NDNF: variants seen among roughly 807,000 people sequenced by gnomAD.
The protein encoded by NDNF is protein NDNF.
Under a neutral mutation model 42.0 loss-of-function variants are expected in NDNF, and 16 were observed. The observed-to-expected ratio is 0.38, with a 90% CI of 0.26 to 0.58. NDNF has a LOEUF of 0.58. Ranked by LOEUF, NDNF falls within the 20% of genes least tolerant of loss-of-function variation. The probability of loss-of-function intolerance (pLI) is 0.67; values close to 1 mark genes in which losing one functional copy is unlikely to be tolerated. For synonymous variants in NDNF, 248 were observed against 251.7 expected (o/e 0.99, Z 0.14); for missense variants, 616 against 666.2 (o/e 0.92, Z 0.83).
Position 121,039,220 on chromosome 4 carries a change from A to G in NDNF, c.313+710T>C, listed in dbSNP as rs796775654. 2.5e-3 allele frequency among the ~76,000 whole-genome samples: 216 copies of G among 86,606 alleles called. 6 individuals are homozygous for G. The highest frequency in any genetic ancestry group is 5.2e-3 in the Middle Eastern group (1 of 194). The allele number at this position is 86,606 out of a possible 152,430, so 56.8% of individuals were successfully genotyped here. On this transcript the variant is annotated intron_variant, in intron 3 of 3. Coordinates refer to ENST00000379692, the MANE Select transcript of NDNF (RefSeq NM_024574.4). ...TATATATATATATATATATATATATATATATATATATATATAAAGACTATG... is the reference window on the plus strand; with the variant it reads ...TATATATATATATATATATATATATGTATATATATATATATAAAGACTATG...
intron 1 of NDNF, among the ~76,000 whole-genome samples, chr4:121,067,773 G>A (rs578181098): frequency 6.6e-6 from 1 of 152,248 alleles, no homozygotes; most frequent in African/African-American, 2.4e-5. Flanking sequence ...TTTATTGGGG[G>A]AATTAACATT....
chr4:121,066,030 G>A (rs557813767), intron 1 of NDNF, among the ~76,000 whole-genome samples: 1 of 152,088 alleles, frequency 6.6e-6, no homozygotes, highest in East Asian at 1.9e-4. Flanking sequence ...GGTACCCTGA[G>A]AGGCCCTGGG....
At chr4:121,052,340 G>C (rs1727212918) in intron 1 of NDNF, among the ~76,000 whole-genome samples, 1 of 152,122 alleles carries the variant, frequency 6.6e-6, no homozygotes, top group African/African-American at 2.4e-5. Flanking sequence ...GACAAAAAAG[G>C]ATGGGCATTC....
intron 1 of NDNF, among the ~76,000 whole-genome samples, chr4:121,067,644 A>G (rs555714341): frequency 6.6e-6 from 1 of 152,304 alleles, no homozygotes; most frequent in African/African-American, 2.4e-5. Context: ...TCTGTGGCCA[A>G]ATTTGTCTCT....
intron 1 of NDNF, among the ~76,000 whole-genome samples, chr4:121,052,624 T>C (rs1212757978): frequency 2.6e-5 from 4 of 152,148 alleles, no homozygotes; most frequent in East Asian, 1.9e-4. Flanking sequence ...AAAAAATATA[T>C]AGCTTTAGTT....
intron 1 of NDNF, among the ~76,000 whole-genome samples, chr4:121,062,814 C>T (rs1270806361): frequency 1.3e-5 from 2 of 152,038 alleles, no homozygotes; most frequent in African/African-American, 4.8e-5. Flanking sequence ...AAGATAGAGC[C>T]TGCCAAGAGA....
At position 121,037,325 on chromosome 4, in the gene NDNF, T is replaced by A. The variant is rs1320240771; in HGVS notation, c.646A>T (p.Asn216Tyr). ...KQPIQYCVVI[N>Y]KEHNFKSLCA... is the part of the protein sequence containing the mutation. ...AGACTTTTGAAATTGTGCTCTTTGT[T>A]GATGACCACACAGTACTGAATGGGT... The change falls in exon 4 of 4, where the codon AAC (asparagine) becomes TAC (tyrosine). Residue 216 changes from asparagine (N) to tyrosine (Y), a missense_variant. Asn to Tyr is a moderately radical substitution (Grantham distance 143). Coordinates refer to ENST00000379692, the MANE Select transcript of NDNF (RefSeq NM_024574.4). The A allele has an allele frequency of 6.2e-7, 1 of 1,614,020 alleles. No individual in the cohort carries two copies. Among genetic ancestry groups the A allele is most frequent in the African/African-American group, 1.3e-5 (1 of 74,910 alleles).
intron 1 of NDNF, among the ~76,000 whole-genome samples, chr4:121,064,430 T>C (rs1350530380): frequency 2.6e-5 from 4 of 152,168 alleles, no homozygotes; most frequent in Non-Finnish European, 2.9e-5. Context: ...AGAAAAAATA[T>C]AATTTCAAAG....
intron 1 of NDNF, among the ~76,000 whole-genome samples, chr4:121,065,478 G>T (rs1003625197): frequency 3.3e-5 from 5 of 151,886 alleles, no homozygotes; most frequent in Middle Eastern, 3.4e-3. Context: ...CCACTTTACT[G>T]TAATTAAAAG....
chr4:121,037,444 A>C lies in NDNF; in HGVS notation c.527T>G (p.Leu176Ter). 1 of 1,614,184 alleles carries C rather than the reference A, an allele frequency of 6.2e-7. No homozygotes were observed. The highest frequency in any genetic ancestry group is 8.5e-7 in the Non-Finnish European group (1 of 1,180,034). ...CACATCTACTCTTGGGTCATAGGGT[A>C]ACTCAGGGTATGGCTGATCAGATTC... ...TPESDQPYPELPYDPRVDVTS... is the reference protein window; with the variant it reads ...TPESDQPYPE The change falls in exon 4 of 4, where the codon TTA becomes TGA. Residue 176 changes from leucine to a stop codon, truncating the protein, a stop_gained. Coordinates refer to ENST00000379692, the MANE Select transcript of NDNF (RefSeq NM_024574.4). LOFTEE classifies it high-confidence loss of function.
chr4:121,038,778 G>A (rs1475675242), intron 3 of NDNF: 1 of 152,004 alleles, frequency 6.6e-6, no homozygotes, highest in African/African-American at 2.4e-5. Context: ...CTTGAGCTCA[G>A]GAGTTTGAGA....
intron 1 of NDNF, among the ~76,000 whole-genome samples, chr4:121,061,931 T>C (rs543279862): frequency 1.3e-5 from 2 of 152,334 alleles, no homozygotes; most frequent in East Asian, 3.9e-4. Context: ...TGGAGACAAT[T>C]ATTCCCAGGA....
At chr4:121,042,771 G>A (rs1318067651) in intron 2 of NDNF, among the ~76,000 whole-genome samples, 1 of 152,138 alleles carries the variant, frequency 6.6e-6, no homozygotes, top group Non-Finnish European at 1.5e-5. Flanking sequence ...TAGGTTTTAT[G>A]TGAATAACAG....
chr4:121,058,488 A>G (rs1215316130), intron 1 of NDNF, among the ~76,000 whole-genome samples: 1 of 152,130 alleles, frequency 6.6e-6, no homozygotes, highest in African/African-American at 2.4e-5. Flanking sequence ...TGGGCAGATG[A>G]TGCAACTGCT....
intron 1 of NDNF, among the ~76,000 whole-genome samples, chr4:121,068,003 T>TA (rs1727529500): frequency 6.6e-6 from 1 of 152,144 alleles, no homozygotes; most frequent in Non-Finnish European, 1.5e-5. Flanking sequence ...AGGCAAGAAA[T>TA]ACGTGAAATA....
In NDNF at chr4:121,036,991, T is replaced by C; in HGVS notation, c.980A>G (p.Tyr327Cys). ...CTTGGTCCTGGCAAAGGTACCTACA[T>C]AAGCGGTGCTCATGTTGCTGTTGAT... ...VNINSNMSTA[Y>C]VGTFARTKEE... Residue 327 changes from tyrosine (Y) to cysteine (C), a missense_variant, in exon 4 of 4, where the codon TAT (tyrosine) becomes TGT (cysteine). Tyr to Cys is a radical substitution (Grantham distance 194). Coordinates refer to ENST00000379692, the MANE Select transcript of NDNF (RefSeq NM_024574.4). 1 of 1,614,018 alleles carries C rather than the reference T, an allele frequency of 6.2e-7. No individual in the cohort carries two copies. The highest frequency in any genetic ancestry group is 8.5e-7 in the Non-Finnish European group (1 of 1,180,034).
chr4:121,071,215 C>G (rs1232907774), intron 1 of NDNF, among the ~76,000 whole-genome samples: 5 of 152,094 alleles, frequency 3.3e-5, no homozygotes, highest in Non-Finnish European at 7.4e-5. Flanking sequence ...GGCACGAAGC[C>G]GAGTCTCCTG....
Position 121,036,987 on chromosome 4 carries a change from T to G in NDNF, c.984A>C (p.Val328=). The G allele has an allele frequency of 6.2e-7, 1 of 1,614,040 alleles. No homozygotes were observed. Among genetic ancestry groups the G allele is most frequent in the South Asian group, 1.1e-5 (1 of 91,074 alleles). The stretch of plus-strand genomic sequence containing the variant: ...CTTCCTTGGTCCTGGCAAAGGTACC[T>G]ACATAAGCGGTGCTCATGTTGCTGT... ...NINSNMSTAY[V]GTFARTKEEA... is the part of the protein sequence containing the mutation. The change falls in exon 4 of 4, where the codon GTA becomes GTC. Residue 328 remains valine (V), a synonymous_variant. Coordinates refer to ENST00000379692, the MANE Select transcript of NDNF (RefSeq NM_024574.4).
At chr4:121,068,173 A>C (rs1432502857) in intron 1 of NDNF, among the ~76,000 whole-genome samples, 1 of 152,220 alleles carries the variant, frequency 6.6e-6, no homozygotes, top group African/African-American at 2.4e-5. Flanking sequence ...ACAGCAGCAA[A>C]GTATTTACTT....
Sources: gnomAD v4.1 joint callset for allele counts (sites outside exome capture counted in the v4.1 genomes callset) on GRCh38, gnomAD v4.1.1 for gene constraint, MANE v1.5 for transcripts, NCBI Gene and HGNC (gene_info 2026-07-23, HGNC 2026-07-21) for gene names.